The following NRG3 variants were observed in gnomAD, a reference collection of about 807,000 sequenced individuals.
NRG3 encodes neuregulin 3.
Under a neutral mutation model 66.9 loss-of-function variants are expected in NRG3, and 31 were observed. The observed-to-expected ratio is 0.46, with a 90% CI of 0.35 to 0.63. NRG3 has a LOEUF of 0.63. NRG3 is among the 20% of genes least tolerant of loss of function. NRG3 has a pLI of 0.00. For synonymous variants in NRG3, 393 were observed against 359.4 expected, an observed-to-expected ratio of 1.09 and a Z score of -1.06; for missense variants, 910 against 878.9, an observed-to-expected ratio of 1.04 and a Z score of -0.45.
At chr10:82,976,687 G>C (rs1381236620) in intron 7 of NRG3, among the ~76,000 whole-genome samples, 2 of 152,104 alleles carry the variant, frequency 1.3e-5, no homozygotes, top group East Asian at 3.9e-4. Context: ...AGGCTCTTAT[G>C]TCCTCTGGTT....
At chr10:81,967,730 GT>G (rs1446104834) in intron 1 of NRG3, among the ~76,000 whole-genome samples, 1 of 152,000 alleles carries the variant, frequency 6.6e-6, no homozygotes, top group Non-Finnish European at 1.5e-5. Flanking sequence ...CTTTCATAGT[GT>G]TTGGGTAGAA....
intron 3 of NRG3, among the ~76,000 whole-genome samples, chr10:82,744,930 A>G (rs2058581600): frequency 1.3e-5 from 2 of 152,184 alleles, no homozygotes; most frequent in African/African-American, 2.4e-5. Flanking sequence ...TTCAACTGTC[A>G]CCTTGATTAG....
At position 81,932,876 on chromosome 10, in the gene NRG3, AG is replaced by A. The variant is rs1847506205; in HGVS notation, c.823+56715del. On this transcript the variant is annotated intron_variant, in intron 1 of 8. Transcript: ENST00000372141. Reference sequence around the variant, plus strand: ...GTAATCCCAGCACTTTGGGAGGCCAAGGCGGGTGAATCACAAGGTGAGGAGT... The same window carrying A: ...GTAATCCCAGCACTTTGGGAGGCCAAGCGGGTGAATCACAAGGTGAGGAGT... 3.3e-5 allele frequency among the ~76,000 whole-genome samples: 5 copies of A among 152,180 alleles called. No homozygotes were observed. The South Asian group carries it at 1.0e-3, about 32-fold the overall frequency.
intron 1 of NRG3, among the ~76,000 whole-genome samples, chr10:81,991,341 A>G (rs1181251996): frequency 2.6e-5 from 4 of 152,208 alleles, no homozygotes; most frequent in East Asian, 1.9e-4. Context: ...TATAACAAGT[A>G]TAAATTGTAG....
intron 1 of NRG3, among the ~76,000 whole-genome samples, chr10:82,245,908 C>T (rs1224853035): frequency 6.7e-6 from 1 of 149,926 alleles, no homozygotes; most frequent in Non-Finnish European, 1.5e-5. Flanking sequence ...ATTTATCCTA[C>T]TTTACACTTT....
chr10:82,470,579 T>C (rs111803392), intron 2 of NRG3, among the ~76,000 whole-genome samples: 211 of 152,332 alleles, frequency 1.4e-3, no homozygotes, highest in African/African-American at 4.9e-3. Flanking sequence ...CATGACTGCC[T>C]AATGGCACTT....
chr10:82,608,274 A>G (rs1183600325), intron 2 of NRG3, among the ~76,000 whole-genome samples: 1 of 152,166 alleles, frequency 6.6e-6, no homozygotes, highest in Non-Finnish European at 1.5e-5. Context: ...TAGAAGAGAA[A>G]TTTAATGTAG....
chr10:82,382,350 G>A (rs551093021), intron 2 of NRG3, among the ~76,000 whole-genome samples: 8 of 151,668 alleles, frequency 5.3e-5, no homozygotes, highest in African/African-American at 1.9e-4. Flanking sequence ...GGTTTTTATG[G>A]ACTCATTCAA....
chr10:81,893,813 C>T (rs1168989541), intron 1 of NRG3, among the ~76,000 whole-genome samples: 1 of 152,124 alleles, frequency 6.6e-6, no homozygotes, highest in Non-Finnish European at 1.5e-5. Flanking sequence ...TCAGATGCCT[C>T]TCTGAGGGCT....
At chr10:82,891,398 C>G (rs953284037) in intron 4 of NRG3, among the ~76,000 whole-genome samples, 5 of 151,838 alleles carry the variant, frequency 3.3e-5, no homozygotes, top group Non-Finnish European at 7.4e-5. Flanking sequence ...ATATTCTAAT[C>G]TATGCTTGTG....
chr10:82,036,867 G>A (rs939910885), intron 1 of NRG3, among the ~76,000 whole-genome samples: 1 of 152,054 alleles, frequency 6.6e-6, no homozygotes, highest in African/African-American at 2.4e-5. Context: ...CATTAATGCC[G>A]AGTTCAAGGT....
chr10:82,289,781 G>T (rs1414759), intron 1 of NRG3, among the ~76,000 whole-genome samples: 22,513 of 152,038 alleles, frequency 0.15, 3,795 homozygotes, highest in African/African-American at 0.41. Flanking sequence ...TGATTCCCCA[G>T]TTAATGTATA....
chr10:82,084,003 G>A (rs1008141187), intron 1 of NRG3, among the ~76,000 whole-genome samples: 17 of 151,670 alleles, frequency 1.1e-4, no homozygotes, highest in African/African-American at 2.9e-4. Context: ...TGAGGCGGGC[G>A]GATTATCTGA....
At chr10:82,086,767 A>C (rs1441058033) in intron 1 of NRG3, among the ~76,000 whole-genome samples, 1 of 152,146 alleles carries the variant, frequency 6.6e-6, no homozygotes, top group Non-Finnish European at 1.5e-5. Flanking sequence ...AGATATTTGG[A>C]AGTAGCACGC....
At position 82,255,804 on chromosome 10, in the gene NRG3, A is replaced by G. The variant is rs1018085273; in HGVS notation, c.824-102935A>G. ...TTTTTAGTAGAGATGGGGTTTTACC[A>G]TGTCATCCAGGGTGGTCTCAAACTC... On this transcript the variant is annotated intron_variant, in intron 1 of 8. Coordinates refer to ENST00000372141, the MANE Select transcript of NRG3 (RefSeq NM_001010848.4). Among the ~76,000 whole-genome samples the G allele has an allele frequency of 8.6e-5, 13 of 151,822 alleles. No individual in the cohort carries two copies. In the East Asian group the frequency reaches 2.1e-3, roughly 25 times the overall value.
chr10:82,400,605 T>C (rs1026543520), intron 2 of NRG3, among the ~76,000 whole-genome samples: 1 of 151,330 alleles, frequency 6.6e-6, no homozygotes, highest in Admixed American at 6.6e-5. Flanking sequence ...TCTTGCTCTG[T>C]TGCCCAGTCT....
chr10:82,434,659 G>A (rs1428801638), intron 2 of NRG3, among the ~76,000 whole-genome samples: 2 of 152,126 alleles, frequency 1.3e-5, no homozygotes, highest in South Asian at 2.1e-4. Context: ...AATATGCAGG[G>A]ATGTTGAATT....
intron 3 of NRG3, among the ~76,000 whole-genome samples, chr10:82,802,047 C>G (rs1018931740): frequency 6.6e-6 from 1 of 152,144 alleles, no homozygotes; most frequent in African/African-American, 2.4e-5. Flanking sequence ...TAATTTGTTT[C>G]AAATAGCATG....
intron 7 of NRG3, among the ~76,000 whole-genome samples, chr10:82,975,832 T>C (rs371361377): frequency 6.6e-6 from 1 of 152,164 alleles, no homozygotes; most frequent in African/African-American, 2.4e-5. Flanking sequence ...ACTGATATAC[T>C]TTGTTGTTAT....
Sources: gnomAD v4.1 joint callset for allele counts (sites outside exome capture counted in the v4.1 genomes callset) on GRCh38, gnomAD v4.1.1 for gene constraint, MANE v1.5 for transcripts, NCBI Gene and HGNC (gene_info 2026-07-23, HGNC 2026-07-21) for gene names.